The following NT5DC3 variants were observed in gnomAD, a reference collection of about 807,000 sequenced individuals.
The protein encoded by NT5DC3 is 5'-nucleotidase domain containing 3, also known as 5'-nucleotidase domain-containing protein 3.
In NT5DC3, 42 loss-of-function variants were observed where a neutral mutation model predicts 67.8. The observed-to-expected ratio is 0.62, with a 90% CI of 0.48 to 0.80. The LOEUF (loss-of-function observed/expected upper bound fraction) is 0.80. Among genes scored for constraint, NT5DC3 ranks in the 30% least tolerant of loss-of-function variants. The pLI is 0.00. For missense variants in NT5DC3, 570 were observed against 696.4 expected, an observed-to-expected ratio of 0.82 and a Z score of 2.04; for synonymous variants, 237 against 255.6, an observed-to-expected ratio of 0.93 and a Z score of 0.69.
intron 12 of NT5DC3, among the ~76,000 whole-genome samples, chr12:103,785,093 C>T (rs550665643): frequency 5.3e-5 from 8 of 152,306 alleles, no homozygotes; most frequent in East Asian, 1.9e-4. Context: ...GAGCTCCTAG[C>T]AGGCTTCAGT....
At chr12:103,762,541 C>G in the NT5DC3 span, 1 of 1,314,618 alleles carries the variant, frequency 7.6e-7, no homozygotes, top group Non-Finnish European at 1.1e-6. Context: ...GGCGGCCACC[C>G]ACCCCACGCT....
chr12:103,768,213 T>C (rs1885069361), downstream of NT5DC3, among the ~76,000 whole-genome samples: 1 of 151,054 alleles, frequency 6.6e-6, no homozygotes, highest in Admixed American at 6.6e-5. Flanking sequence ...GGCAGGTGAA[T>C]CACCTGAGAT....
the NT5DC3 span, among the ~76,000 whole-genome samples, chr12:103,764,688 G>A: frequency 6.6e-6 from 1 of 152,160 alleles, no homozygotes; most frequent in African/African-American, 2.4e-5. Flanking sequence ...ATATCTTGTG[G>A]TTCTTCATGC....
chr12:103,750,564 A>G, the NT5DC3 span: 1 of 1,612,650 alleles, frequency 6.2e-7, no homozygotes, highest in East Asian at 2.2e-5. Flanking sequence ...ATCTCTTCCC[A>G]CTCTCCCTCC....
chr12:103,815,349 C>G (rs928700966), intron 1 of NT5DC3, among the ~76,000 whole-genome samples: 2 of 152,124 alleles, frequency 1.3e-5, no homozygotes, highest in Admixed American at 6.5e-5. Flanking sequence ...TCATGGTTGC[C>G]TAGGACCGCT....
chr12:103,840,959 T>C lies in NT5DC3; in HGVS notation c.198A>G (p.Arg66=). ...CGCCGCCTCACTCACCTTCTGTGCT[T>C]CTCTTCGCCTCCCGGTAGCGCTCCC... ...YLWERYREAK[R]STEELVPSIM... The change falls in exon 1 of 14, where the codon AGA becomes AGG. Residue 66 remains arginine (R), a synonymous_variant. Coordinates refer to ENST00000392876, the MANE Select transcript of NT5DC3 (RefSeq NM_001031701.3). 1.5e-6 allele frequency: 2 copies of C among 1,351,946 alleles called. No individual in the cohort carries two copies. The highest frequency in any genetic ancestry group is 1.9e-6 in the Non-Finnish European group (2 of 1,045,832). The allele number at this position is 1,351,946 out of a possible 1,614,324, so 83.7% of individuals were successfully genotyped here.
At chr12:103,806,026 A>G (rs1886784647) in intron 4 of NT5DC3, among the ~76,000 whole-genome samples, 1 of 151,736 alleles carries the variant, frequency 6.6e-6, no homozygotes. Context: ...AGTCCTCCAG[A>G]CTGCTCCCGA....
chr12:103,804,386 G>A (rs893928004), intron 4 of NT5DC3, among the ~76,000 whole-genome samples: 4 of 152,118 alleles, frequency 2.6e-5, no homozygotes, highest in African/African-American at 7.2e-5. Context: ...CTGCAGAAAG[G>A]CTCAGCACAA....
the NT5DC3 span, chr12:103,761,347 CTT>C: frequency 3.7e-6 from 6 of 1,614,104 alleles, no homozygotes; most frequent in Non-Finnish European, 5.1e-6. Flanking sequence ...AGTGGGACAT[CTT>C]TGCCTCCAAT....
At chr12:103,799,224 G>A (rs148618396) in intron 4 of NT5DC3, among the ~76,000 whole-genome samples, 62 of 152,278 alleles carry the variant, frequency 4.1e-4, no homozygotes, top group African/African-American at 1.4e-3. Context: ...GTCTCCATCA[G>A]ACATCCTCCT....
chr12:103,759,870 C>A, the NT5DC3 span, among the ~76,000 whole-genome samples: 1 of 152,132 alleles, frequency 6.6e-6, no homozygotes, highest in African/African-American at 2.4e-5. Context: ...TCAAGGGAAC[C>A]CTCATATGGA....
the NT5DC3 span, among the ~76,000 whole-genome samples, chr12:103,764,875 A>G: frequency 6.6e-6 from 1 of 152,050 alleles, no homozygotes; most frequent in Admixed American, 6.6e-5. Context: ...AGGCAGGTGG[A>G]TCACCTGAGG....
the NT5DC3 span, chr12:103,755,008 T>C: frequency 2.9e-6 from 1 of 343,782 alleles, no homozygotes; most frequent in Non-Finnish European, 5.3e-6. Flanking sequence ...GCAGAAAAAT[T>C]TGCACCTAGT....
intron 1 of NT5DC3, among the ~76,000 whole-genome samples, chr12:103,836,973 C>A (rs184989092): frequency 1.3e-5 from 2 of 152,222 alleles, no homozygotes; most frequent in African/African-American, 4.8e-5. Context: ...GGGGCTCCCA[C>A]CACACATTTC....
intron 1 of NT5DC3, among the ~76,000 whole-genome samples, chr12:103,834,004 G>C (rs1243719891): frequency 2.0e-5 from 3 of 152,116 alleles, no homozygotes; most frequent in Non-Finnish European, 4.4e-5. Context: ...ACTACCAACA[G>C]TTGAGGCCAG....
At chr12:103,801,083 A>AC (rs1469480421) in intron 4 of NT5DC3, among the ~76,000 whole-genome samples, 1 of 150,748 alleles carries the variant, frequency 6.6e-6, no homozygotes, top group Non-Finnish European at 1.5e-5. Context: ...GCAGTACGGA[A>AC]CCCCCCTCCA....
the NT5DC3 span, chr12:103,758,432 C>T: frequency 2.9e-6 from 4 of 1,396,918 alleles, no homozygotes; most frequent in Non-Finnish European, 3.9e-6. Context: ...TGGCCACTCC[C>T]TTGGTCTTGG....
In NT5DC3 at chr12:103,780,350, A is replaced by G; in HGVS notation, c.1344T>C (p.Ala448=). ...ACTCCTGCAAAACCAGCTGTGACTCAGCATCTCTGTGAACCTGTAGGACAC... is the reference window on the plus strand; with the variant it reads ...ACTCCTGCAAAACCAGCTGTGACTCGGCATCTCTGTGAACCTGTAGGACAC... ...LLEQMQVHRD[A]ESQLVLQEWK... Residue 448 remains alanine, a synonymous_variant, in exon 13 of 14, where the codon GCT becomes GCC. Coordinates refer to ENST00000392876, the MANE Select transcript of NT5DC3 (RefSeq NM_001031701.3). 6.2e-7 allele frequency: 1 copy of G among 1,614,076 alleles called. No individual in the cohort carries two copies. The highest frequency in any genetic ancestry group is 1.1e-5 in the South Asian group (1 of 91,082).
chr12:103,788,347 G>A (rs1169435754), intron 10 of NT5DC3, among the ~76,000 whole-genome samples: 1 of 152,234 alleles, frequency 6.6e-6, no homozygotes, highest in Non-Finnish European at 1.5e-5. Context: ...CTGGGAGGCT[G>A]AGATGGAAGG....
Sources: allele counts gnomAD v4.1 joint callset (sites outside exome capture counted in the v4.1 genomes callset), GRCh38; gene constraint gnomAD v4.1.1; transcripts MANE v1.5; gene names NCBI Gene and HGNC (gene_info 2026-07-23, HGNC 2026-07-21).